Variants in GRID2 observed in about 807,000 individuals in gnomAD.
The protein encoded by GRID2 is glutamate receptor ionotropic, delta-2.
GRID2 carries 33 observed loss-of-function variants against 114.8 expected under a neutral mutation model. That is an observed-to-expected ratio of 0.29 (90% CI 0.22 to 0.38). The LOEUF (loss-of-function observed/expected upper bound fraction) is 0.38. Ranked by LOEUF, GRID2 falls within the 10% of genes least tolerant of loss-of-function variation. GRID2 has a pLI of 1.00. For synonymous variants in GRID2, 505 were observed against 449.9 expected, an observed-to-expected ratio of 1.12 and a Z score of -1.55; for missense variants, 1,184 against 1,257.7, an observed-to-expected ratio of 0.94 and a Z score of 0.89.
At chr4:93,040,515 A>C (rs1243411517) in intron 2 of GRID2, among the ~76,000 whole-genome samples, 1 of 152,122 alleles carries the variant, frequency 6.6e-6, no homozygotes, top group East Asian at 1.9e-4. Flanking sequence ...AACCACAATA[A>C]TGTAAAGGGT....
chr4:93,007,490 A>G (rs972041231), intron 2 of GRID2, among the ~76,000 whole-genome samples: 1 of 152,160 alleles, frequency 6.6e-6, no homozygotes, highest in Non-Finnish European at 1.5e-5. Flanking sequence ...AGGAAAGACT[A>G]TATGAGCTAA....
chr4:93,618,706 C>A (rs1356804230), intron 13 of GRID2, among the ~76,000 whole-genome samples: 29 of 152,204 alleles, frequency 1.9e-4, no homozygotes, highest in Non-Finnish European at 1.5e-5. Context: ...ACCAAGCTTT[C>A]CTCAAACTTA....
intron 8 of GRID2, among the ~76,000 whole-genome samples, chr4:93,286,627 C>A (rs576858092): frequency 3.3e-5 from 5 of 152,016 alleles, no homozygotes; most frequent in Admixed American, 6.6e-5. Context: ...AAGACCATCA[C>A]CTCCGGAAAC....
At chr4:93,243,854 C>T (rs1747825428) in intron 8 of GRID2, among the ~76,000 whole-genome samples, 3 of 151,002 alleles carry the variant, frequency 2.0e-5, no homozygotes, top group South Asian at 2.1e-4. Flanking sequence ...TTGTATATAC[C>T]CTTGAAGATA....
chr4:92,670,369 T>C lies in GRID2; in HGVS notation c.244+80083T>C, dbSNP rs113370074. Among the ~76,000 whole-genome samples, 123 of 152,142 alleles carry C rather than the reference T, an allele frequency of 8.1e-4. 1 individual carries two copies. Among genetic ancestry groups the C allele is most frequent in the African/African-American group, 2.9e-3 (122 of 41,546 alleles). On this transcript the variant is annotated intron_variant, in intron 2 of 15. Coordinates refer to ENST00000282020, the MANE Select transcript of GRID2 (RefSeq NM_001510.4). ...TCATTTTTGGGAGCTTGCAGTGGCT[T>C]TGGGAACTTTTTTTTAAACTGATTT...
In GRID2 at chr4:93,307,012, A is replaced by G. The variant is rs183142266; in HGVS notation, c.1245+68522A>G. The stretch of plus-strand genomic sequence containing the variant: ...GGAGTTTAAGACCAGCCTGGCCAAC[A>G]TGATGAAAGCCCGTCTCTACTAAAA... On this transcript the variant is annotated intron_variant, in intron 8 of 15. Coordinates refer to ENST00000282020, the MANE Select transcript of GRID2 (RefSeq NM_001510.4). 7.0e-4 allele frequency among the ~76,000 whole-genome samples: 107 copies of G among 152,280 alleles called. 1 individual carries two copies. In the East Asian group the frequency reaches 0.015, roughly 22 times the overall value.
chr4:93,463,102 T>A (rs1723908223), intron 11 of GRID2, among the ~76,000 whole-genome samples: 1 of 152,158 alleles, frequency 6.6e-6, no homozygotes, highest in Non-Finnish European at 1.5e-5. Context: ...GCATTCTGAG[T>A]GCTGTCACAT....
chr4:93,751,407 G>C (rs1407728690), intron 14 of GRID2, among the ~76,000 whole-genome samples: 1 of 151,730 alleles, frequency 6.6e-6, no homozygotes, highest in African/African-American at 2.4e-5. Flanking sequence ...TTTTCTTCTT[G>C]GTGAGTGAAC....
At chr4:92,714,473 G>C (rs1416168579) in intron 2 of GRID2, among the ~76,000 whole-genome samples, 1 of 152,188 alleles carries the variant, frequency 6.6e-6, no homozygotes. Flanking sequence ...CCACTAGGCA[G>C]TGCCCCAGTG....
chr4:93,409,547 T>TA (rs1249685444), intron 9 of GRID2, among the ~76,000 whole-genome samples: 23 of 152,174 alleles, frequency 1.5e-4, no homozygotes, highest in African/African-American at 5.3e-4. Flanking sequence ...TTATTCTAGA[T>TA]ATAAAGCATT....
chr4:93,430,428 G>A lies in GRID2; in HGVS notation c.1545+7460G>A, dbSNP rs192434090. 1.1e-4 allele frequency among the ~76,000 whole-genome samples: 17 copies of A among 152,250 alleles called. No individual in the cohort carries two copies. In the East Asian group the frequency reaches 1.5e-3, roughly 14 times the overall value. On this transcript the variant is annotated intron_variant, in intron 10 of 15. Transcript: ENST00000282020. ...ACTCCTGACCTCAGGTGATCTGCCC[G>A]CCTCAGCATCCTAAACTGCTAGAAT...
chr4:92,717,484 T>C (rs900239654), intron 2 of GRID2, among the ~76,000 whole-genome samples: 3 of 151,400 alleles, frequency 2.0e-5, no homozygotes, highest in Non-Finnish European at 2.9e-5. Flanking sequence ...CTATAAAGCA[T>C]ATTTAATATG....
chr4:93,676,495 G>A (rs929526092), intron 14 of GRID2, among the ~76,000 whole-genome samples: 1 of 152,020 alleles, frequency 6.6e-6, no homozygotes, highest in African/African-American at 2.4e-5. Context: ...TGGCAATCTG[G>A]CTTTACCCAT....
Position 92,833,029 on chromosome 4 carries a change from T to C in GRID2, c.244+242743T>C, listed in dbSNP as rs547840356. On this transcript the variant is annotated intron_variant, in intron 2 of 15. Coordinates refer to ENST00000282020, the MANE Select transcript of GRID2 (RefSeq NM_001510.4). ...TACAAAATCCCTAGAATAAATTTAA[T>C]AAGGCATGTCCAACAGTTGTTTCTT... Among the ~76,000 whole-genome samples, 4 of 152,248 alleles carry C rather than the reference T, an allele frequency of 2.6e-5. No homozygotes were observed. The South Asian group carries it at 6.2e-4, about 24-fold the overall frequency.
intron 2 of GRID2, among the ~76,000 whole-genome samples, chr4:92,891,906 G>C (rs1473668155): frequency 1.3e-5 from 2 of 151,956 alleles, no homozygotes; most frequent in Non-Finnish European, 2.9e-5. Flanking sequence ...ATTCTTTCCT[G>C]TTTTCTTAAA....
intron 4 of GRID2, among the ~76,000 whole-genome samples, chr4:93,205,857 C>A (rs113391814): frequency 6.6e-6 from 1 of 151,932 alleles, no homozygotes; most frequent in East Asian, 1.9e-4. Context: ...ATTCTAACTG[C>A]TGTGAGATGG....
chr4:93,224,170 T>C (rs189875320), intron 6 of GRID2, among the ~76,000 whole-genome samples: 90 of 152,284 alleles, frequency 5.9e-4, no homozygotes, highest in Non-Finnish European at 1.2e-3. Flanking sequence ...CCTATGACAT[T>C]CATATATGAA....
At chr4:93,003,011 T>A (rs190185833) in intron 2 of GRID2, among the ~76,000 whole-genome samples, 7 of 151,898 alleles carry the variant, frequency 4.6e-5, no homozygotes, top group South Asian at 2.1e-4. Context: ...TGCCTCTCTC[T>A]TATTAGAACA....
chr4:93,175,143 G>GT (rs74359729), intron 4 of GRID2, among the ~76,000 whole-genome samples: 13,528 of 151,960 alleles, frequency 0.089, 729 homozygotes, highest in East Asian at 0.22. Flanking sequence ...TGTTATCATT[G>GT]TTTTTTTATT....
Sources: allele counts gnomAD v4.1 joint callset (sites outside exome capture counted in the v4.1 genomes callset), GRCh38; gene constraint gnomAD v4.1.1; transcripts MANE v1.5; gene names NCBI Gene and HGNC (gene_info 2026-07-23, HGNC 2026-07-21).